DGCR2: variants seen among roughly 807,000 people sequenced by gnomAD.
The protein encoded by DGCR2 is DiGeorge syndrome critical region gene 2.
In DGCR2, 24 loss-of-function variants were observed where a neutral mutation model predicts 51.6. The observed-to-expected ratio is 0.47, with a 90% CI of 0.34 to 0.65. The LOEUF is 0.65. Among genes scored for constraint, DGCR2 ranks in the 30% least tolerant of loss-of-function variants. The pLI is 0.01. For synonymous variants in DGCR2, 340 were observed against 315.4 expected (o/e 1.08, Z -0.82); for missense variants, 765 against 772.1 (o/e 0.99, Z 0.11).
At chr22:19,096,757 C>G (rs898912310) in intron 1 of DGCR2, among the ~76,000 whole-genome samples, 1 of 151,714 alleles carries the variant, frequency 6.6e-6, no homozygotes, top group African/African-American at 2.4e-5. Context: ...TTGCCCAGGC[C>G]AGAGTGCAGT....
intron 7 of DGCR2, chr22:19,045,198 G>T (rs950311098): frequency 1.3e-5 from 2 of 152,256 alleles, no homozygotes; most frequent in African/African-American, 4.8e-5. Context: ...CCCAGCACCA[G>T]TGGTTGAAAG....
In DGCR2 at chr22:19,056,907, G is replaced by A. The variant is rs372076013; in HGVS notation, c.802+79C>T. 6.2e-4 allele frequency: 899 copies of A among 1,448,442 alleles called. 14 individuals are homozygous for A. The South Asian group carries it at 0.012, about 19-fold the overall frequency. 89.7% of individuals were successfully genotyped at this position (1,448,442 alleles called of 1,614,324 possible). ...ACACTGCAAATCAGGTTCTGCCTCCGAAACCTTGAACTCAGGGTCCAACAA... is the reference window on the plus strand; with the variant it reads ...ACACTGCAAATCAGGTTCTGCCTCCAAAACCTTGAACTCAGGGTCCAACAA... On this transcript the variant is annotated intron_variant, in intron 6 of 9. Transcript: ENST00000263196.
chr22:19,078,217 C>T (rs1249149461), intron 2 of DGCR2, among the ~76,000 whole-genome samples: 1 of 152,116 alleles, frequency 6.6e-6, no homozygotes, highest in African/African-American at 2.4e-5. Context: ...ACAGACAGAC[C>T]CCCAACTTAT....
chr22:19,063,219 C>T lies in DGCR2; in HGVS notation c.608G>A (p.Trp203Ter). Reference protein sequence around the residue: ...TGRNRSLEGRWEVAFKGSSEV... With the variant: ...TGRNRSLEGR ...GGGCTCACCTTTGAATGCCACCTCC[C>T]AGCGACCTTCCAAGGAGCGGTTCCG... Residue 203 changes from tryptophan to a stop codon, truncating the protein, a stop_gained, in exon 5 of 10, where the codon TGG becomes TAG. Transcript: ENST00000263196. LOFTEE classifies it high-confidence loss of function. The T allele has an allele frequency of 6.2e-7, 1 of 1,614,196 alleles. No individual in the cohort carries two copies. The highest frequency in any genetic ancestry group is 8.5e-7 in the Non-Finnish European group (1 of 1,180,026).
chr22:19,043,822 C>T (rs2082459525), intron 7 of DGCR2, among the ~76,000 whole-genome samples: 2 of 152,240 alleles, frequency 1.3e-5, no homozygotes, highest in Non-Finnish European at 2.9e-5. Flanking sequence ...ATGGCAGCGC[C>T]AGCTCCTGTC....
intron 3 of DGCR2, among the ~76,000 whole-genome samples, chr22:19,065,446 G>A (rs1256216807): frequency 2.6e-5 from 4 of 152,084 alleles, no homozygotes; most frequent in Non-Finnish European, 4.4e-5. Flanking sequence ...CCTGGCCTCC[G>A]CTGCCAGCTA....
intron 1 of DGCR2, among the ~76,000 whole-genome samples, chr22:19,098,993 T>G (rs1028125686): frequency 1.3e-5 from 2 of 152,172 alleles, no homozygotes; most frequent in Non-Finnish European, 2.9e-5. Context: ...GCTCAAAATC[T>G]TCCCATATTC....
chr22:19,050,236 G>C (rs1400866019), intron 6 of DGCR2, among the ~76,000 whole-genome samples: 4 of 152,154 alleles, frequency 2.6e-5, no homozygotes, highest in African/African-American at 7.2e-5. Flanking sequence ...GCAGCAAATG[G>C]GACGTGACTT....
chr22:19,110,036 T>TA (rs2083298029), intron 1 of DGCR2, among the ~76,000 whole-genome samples: 1 of 152,222 alleles, frequency 6.6e-6, no homozygotes, highest in Admixed American at 6.5e-5. Context: ...CACAGGGAGT[T>TA]ACACTCACAA....
intron 5 of DGCR2, 93 bp downstream of exon 5, chr22:19,063,109 C>A: frequency 1.6e-6 from 2 of 1,245,656 alleles, no homozygotes; most frequent in East Asian, 2.4e-5. Flanking sequence ...CCCCTACGGG[C>A]CAGGCAGCAC....
At chr22:19,063,113 G>A (rs574638251) in intron 5 of DGCR2, 89 bp downstream of exon 5, 51 of 1,280,398 alleles carry the variant, frequency 4.0e-5, no homozygotes, top group Non-Finnish European at 5.0e-5. Flanking sequence ...TACGGGCCAG[G>A]CAGCACTGGG....
At chr22:19,111,604 C>T (rs2083314587) in intron 1 of DGCR2, among the ~76,000 whole-genome samples, 1 of 152,160 alleles carries the variant, frequency 6.6e-6, no homozygotes, top group Non-Finnish European at 1.5e-5. Flanking sequence ...TGAGTCTTGT[C>T]AGGTAAAGGG....
rs1170186365 is a variant in DGCR2 at position 19,041,794 on chromosome 22, A to T, written c.1159+13T>A. On this transcript the variant is annotated intron_variant, in intron 8 of 9. Coordinates refer to ENST00000263196, the MANE Select transcript of DGCR2 (RefSeq NM_005137.3). ...GATGGGGACCAGGGTTGTGGCCCTCAGAGGGCACTTACAGTTTGCTCCAAT... is the reference window on the plus strand; with the variant it reads ...GATGGGGACCAGGGTTGTGGCCCTCTGAGGGCACTTACAGTTTGCTCCAAT... 1 of 1,609,994 alleles carries T rather than the reference A, an allele frequency of 6.2e-7. No homozygotes were observed. Among genetic ancestry groups the T allele is most frequent in the Non-Finnish European group, 8.5e-7 (1 of 1,178,760 alleles).
At position 19,063,147 on chromosome 22, in the gene DGCR2, G is replaced by A. The variant is rs141195146; in HGVS notation, c.625+55C>T. On this transcript the variant is annotated intron_variant, in intron 5 of 9. Transcript: ENST00000263196. ...GGTAAGAGGGAGGAGGGGAGGCCCC[G>A]AATCAGGGTGACTCTGCCCAGCTTC... 2.6e-3 allele frequency: 4,037 copies of A among 1,545,220 alleles called. 8 individuals carry two copies. The highest frequency in any genetic ancestry group is 3.1e-3 in the Non-Finnish European group (3,482 of 1,118,196).
intron 1 of DGCR2, among the ~76,000 whole-genome samples, chr22:19,097,799 A>C (rs2083158454): frequency 6.6e-6 from 1 of 152,142 alleles, no homozygotes; most frequent in Admixed American, 6.5e-5. Flanking sequence ...GCCAATGAGA[A>C]GAGTCTGTAA....
At chr22:19,112,100 C>T (rs2083321995) in intron 1 of DGCR2, among the ~76,000 whole-genome samples, 1 of 151,898 alleles carries the variant, frequency 6.6e-6, no homozygotes, top group South Asian at 2.1e-4. Context: ...TGGCGAAACC[C>T]CATCTCCACT....
intron 5 of DGCR2, among the ~76,000 whole-genome samples, chr22:19,062,775 G>GCTCGCTCTCTCTCTCTCTCTCTCTCT (rs1491258740): frequency 9.2e-6 from 1 of 108,860 alleles, no homozygotes; most frequent in East Asian, 2.9e-4. Context: ...ACACATGCAT[G>GCTCGCTCTCTCTCTCTCTCTCTCTCT]CTCACTCTCT....
intron 1 of DGCR2, among the ~76,000 whole-genome samples, chr22:19,111,338 C>T (rs1448859700): frequency 3.9e-5 from 6 of 152,178 alleles, no homozygotes; most frequent in Admixed American, 6.5e-5. Flanking sequence ...AAAAGGTGCC[C>T]GGTTCTTAGG....
At chr22:19,103,088 G>C (rs964974082) in intron 1 of DGCR2, among the ~76,000 whole-genome samples, 5 of 152,128 alleles carry the variant, frequency 3.3e-5, no homozygotes, top group African/African-American at 1.2e-4. Context: ...ACTAACACAT[G>C]CTATAACATG....
Sources: gnomAD v4.1 joint callset for allele counts (sites outside exome capture counted in the v4.1 genomes callset) on GRCh38, gnomAD v4.1.1 for gene constraint, MANE v1.5 for transcripts, NCBI Gene and HGNC (gene_info 2026-07-23, HGNC 2026-07-21) for gene names.